SLC1A1: variants seen among roughly 807,000 people sequenced by gnomAD.
SLC1A1 encodes excitatory amino acid transporter 3.
In SLC1A1, 43 loss-of-function variants were observed where a neutral mutation model predicts 53.3. The observed-to-expected ratio is 0.81, with a 90% CI of 0.63 to 1.04. The LOEUF (loss-of-function observed/expected upper bound fraction) is 1.04, where lower values mean the gene tolerates loss of function less well. Among genes scored for constraint, SLC1A1 ranks in the 50% least tolerant of loss-of-function variants. SLC1A1 has a pLI of 0.00. For synonymous variants in SLC1A1, 307 were observed against 243.2 expected (o/e 1.26, Z -2.44); for missense variants, 748 against 664.9 (o/e 1.12, Z -1.37).
At position 4,583,465 on chromosome 9, in the gene SLC1A1, C is replaced by T. The variant is rs78931121; in HGVS notation, c.1328+293C>T. ...ATAAACACAGAACAAGGTGAGAAGC[C>T]AGGCAGGGCCCCAGAGCCATCCTGA... is the stretch of plus-strand genomic sequence containing the variant. On this transcript the variant is annotated intron_variant, in intron 11 of 11. Coordinates refer to ENST00000262352, the MANE Select transcript of SLC1A1 (RefSeq NM_004170.6). The surrounding 1 kb of genome is among the most constrained non-coding windows in gnomAD (Gnocchi z 4.6). Among the ~76,000 whole-genome samples the T allele has an allele frequency of 1.2e-3, 183 of 152,296 alleles. No individual in the cohort carries two copies. Among genetic ancestry groups the T allele is most frequent in the African/African-American group, 3.9e-3 (160 of 41,558 alleles).
chr9:4,560,945 G>A (rs527813927), intron 2 of SLC1A1, among the ~76,000 whole-genome samples: 1 of 151,506 alleles, frequency 6.6e-6, no homozygotes, highest in South Asian at 2.1e-4. Context: ...GTAATGAGCC[G>A]AGATCACACC....
At chr9:4,585,247 T>G (rs1821483754) in intron 11 of SLC1A1, 65 bp from the exon 12 acceptor site, 2 of 1,598,002 alleles carry the variant, frequency 1.3e-6, no homozygotes, top group South Asian at 2.2e-5. Flanking sequence ...GGTCCTTGCA[T>G]CTCTCCAGTG....
rs1386651179 is a variant in SLC1A1 at position 4,490,749 on chromosome 9, A to C, written c.70A>C (p.Thr24Pro). Residue 24 changes from threonine (T) to proline (P), a missense_variant, in exon 1 of 12, where the codon ACC (threonine) becomes CCC (proline). Thr to Pro is a conservative substitution (Grantham distance 38). Coordinates refer to ENST00000262352, the MANE Select transcript of SLC1A1 (RefSeq NM_004170.6). The part of the protein sequence containing the change: ...FLKNNWVLLS[T>P]VAAVVLGITT... Reference sequence around the variant, plus strand: ...GAAGAATAACTGGGTGTTGCTGTCCACCGTGGCCGCGGTGGTGCTAGGTGA... The same window carrying C: ...GAAGAATAACTGGGTGTTGCTGTCCCCCGTGGCCGCGGTGGTGCTAGGTGA... The C allele has an allele frequency of 1.2e-6, 2 of 1,612,380 alleles. No individual in the cohort carries two copies. The highest frequency in any genetic ancestry group is 2.2e-5 in the South Asian group (2 of 91,028).
At position 4,556,509 on chromosome 9, in the gene SLC1A1, G is replaced by A. The variant is rs1022137874; in HGVS notation, c.233-4940G>A. 2.6e-5 allele frequency among the ~76,000 whole-genome samples: 4 copies of A among 152,196 alleles called. No homozygotes were observed. The highest frequency in any genetic ancestry group is 9.6e-5 in the African/African-American group (4 of 41,456). ...GTTCTGATAGTGAACTGTAAAGAGA[G>A]GGGGTCCTTCAGACCTCGCCAGCCA... On this transcript the variant is annotated intron_variant, in intron 2 of 11. Transcript: ENST00000262352. The surrounding 1 kb of genome is among the most constrained non-coding windows in gnomAD (Gnocchi z 4.1).
chr9:4,530,726 A>AT (rs897041787), intron 1 of SLC1A1, among the ~76,000 whole-genome samples: 23 of 152,298 alleles, frequency 1.5e-4, no homozygotes, highest in African/African-American at 5.3e-4. Flanking sequence ...CAATTATATT[A>AT]TTTTTTAACT....
chr9:4,565,444 C>T (rs189475815), intron 4 of SLC1A1, among the ~76,000 whole-genome samples: 2 of 152,182 alleles, frequency 1.3e-5, no homozygotes, highest in East Asian at 1.9e-4. Flanking sequence ...GCTGGGGAGG[C>T]CTCAAGAAAC....
Position 4,490,704 on chromosome 9 carries a change from T to C in SLC1A1, c.25T>C (p.Cys9Arg), listed in dbSNP as rs1234531171. Residue 9 changes from cysteine to arginine, a missense_variant, in exon 1 of 12, where the codon TGC becomes CGC. Coordinates refer to ENST00000262352, the MANE Select transcript of SLC1A1 (RefSeq NM_004170.6). ...CATGGGGAAACCGGCGAGGAAAGGA[T>C]GCGAGTGGAAGCGCTTCCTGAAGAA... MGKPARKG[C>R]EWKRFLKNNW... 6.8e-6 allele frequency: 11 copies of C among 1,612,648 alleles called. No homozygotes were observed. The highest frequency in any genetic ancestry group is 9.3e-6 in the Non-Finnish European group (11 of 1,178,996).
chr9:4,548,792 G>GA (rs5896082), intron 2 of SLC1A1, among the ~76,000 whole-genome samples: 5 of 151,336 alleles, frequency 3.3e-5, no homozygotes, highest in South Asian at 2.1e-4. Flanking sequence ...CTTTAAAACA[G>GA]AAAAAAAAAA....
chr9:4,574,800 A>G (rs1360770360), intron 8 of SLC1A1, among the ~76,000 whole-genome samples: 4 of 152,226 alleles, frequency 2.6e-5, no homozygotes, highest in African/African-American at 7.2e-5. Context: ...ACCCAACTTG[A>G]GCAATGAACT....
intron 5 of SLC1A1, among the ~76,000 whole-genome samples, chr9:4,566,428 C>A (rs1165064050): frequency 1.3e-5 from 2 of 152,206 alleles, no homozygotes; most frequent in South Asian, 4.1e-4. Context: ...TATATTTGTA[C>A]TGAAGTTTAA....
At chr9:4,566,668 C>A (rs1819513754) in intron 5 of SLC1A1, among the ~76,000 whole-genome samples, 1 of 151,754 alleles carries the variant, frequency 6.6e-6, no homozygotes, top group Non-Finnish European at 1.5e-5. Flanking sequence ...GGCAACATGG[C>A]AAGACCATGT....
chr9:4,500,471 C>G (rs1820595314), intron 1 of SLC1A1, among the ~76,000 whole-genome samples: 1 of 152,092 alleles, frequency 6.6e-6, no homozygotes, highest in Non-Finnish European at 1.5e-5. Context: ...CCACAACTGG[C>G]TAATATTTTC....
intron 1 of SLC1A1, among the ~76,000 whole-genome samples, chr9:4,520,041 G>A (rs536909237): frequency 6.6e-6 from 1 of 152,302 alleles, no homozygotes; most frequent in Non-Finnish European, 1.5e-5. Flanking sequence ...TTTAGACACT[G>A]TAATTGAAAA....
chr9:4,498,824 G>C (rs1410403166), intron 1 of SLC1A1, among the ~76,000 whole-genome samples: 1 of 149,768 alleles, frequency 6.7e-6, no homozygotes, highest in Non-Finnish European at 1.5e-5. Flanking sequence ...ATATATGTGT[G>C]TGTGTGTGTA....
At chr9:4,520,791 T>C (rs1042836256) in intron 1 of SLC1A1, among the ~76,000 whole-genome samples, 9 of 152,210 alleles carry the variant, frequency 5.9e-5, no homozygotes, top group African/African-American at 2.2e-4. Context: ...AGGCATGCAA[T>C]TGCTGGGTCA....
chr9:4,513,174 C>G (rs1821052133), intron 1 of SLC1A1, among the ~76,000 whole-genome samples: 1 of 151,826 alleles, frequency 6.6e-6, no homozygotes, highest in Non-Finnish European at 1.5e-5. Context: ...GATGCCAAAG[C>G]ACAATTCATA....
chr9:4,574,603 G>A (rs1011580087), intron 8 of SLC1A1, among the ~76,000 whole-genome samples: 7 of 152,134 alleles, frequency 4.6e-5, no homozygotes, highest in African/African-American at 1.7e-4. Flanking sequence ...AGCAGGGGTT[G>A]GGTAGTTTCC....
intron 1 of SLC1A1, among the ~76,000 whole-genome samples, chr9:4,491,064 T>G (rs116451654): frequency 6.6e-6 from 1 of 152,230 alleles, no homozygotes; most frequent in Non-Finnish European, 1.5e-5. Flanking sequence ...CAAGTAGCTC[T>G]TGGTTCTGCT....
Position 4,498,969 on chromosome 9 carries a change from GTATA to G in SLC1A1, c.91+8204_91+8207del, listed in dbSNP as rs1315324619. Among the ~76,000 whole-genome samples, 6 of 139,918 alleles carry G rather than the reference GTATA, an allele frequency of 4.3e-5. No individual in the cohort carries two copies. The South Asian group carries it at 6.6e-4, about 15-fold the overall frequency. 91.8% of individuals were successfully genotyped at this position (139,918 alleles called of 152,430 possible). A position where few individuals can be genotyped will look rare whatever the true frequency, so the allele number is the denominator to read the frequency against. ...TAATATATACATATATATTATATAT[GTATA>G]TATAATCTTATATATTATATATAAG... On this transcript the variant is annotated intron_variant, in intron 1 of 11. Coordinates refer to ENST00000262352, the MANE Select transcript of SLC1A1 (RefSeq NM_004170.6).
Sources: gnomAD v4.1 joint callset for allele counts (sites outside exome capture counted in the v4.1 genomes callset) on GRCh38, gnomAD v4.1.1 for gene constraint, Gnocchi (gnomAD v3.1) non-coding constraint, MANE v1.5 for transcripts, NCBI Gene and HGNC (gene_info 2026-07-23, HGNC 2026-07-21) for gene names.